RYR2: variants seen among roughly 807,000 people sequenced by gnomAD.
The protein encoded by RYR2 is ryanodine receptor 2.
Under a neutral mutation model 601.1 loss-of-function variants are expected in RYR2, and 227 were observed. That is an observed-to-expected ratio of 0.38 (90% CI 0.34 to 0.42). RYR2 has a LOEUF of 0.42. Ranked by LOEUF, RYR2 falls within the 10% of genes least tolerant of loss-of-function variation. The pLI, the probability that RYR2 is intolerant of heterozygous loss-of-function variation, is 1.00. For missense variants in RYR2, 4,646 were observed against 6,156.5 expected (o/e 0.75, Z 8.21); for synonymous variants, 2,223 against 2,175.1 (o/e 1.02, Z -0.61).
intron 1 of RYR2, among the ~76,000 whole-genome samples, chr1:237,058,726 T>G (rs527668016): frequency 1.4e-5 from 2 of 146,496 alleles, no homozygotes; most frequent in South Asian, 4.4e-4. Context: ...AGACCAGCCT[T>G]CCTTCCTCCC....
At chr1:237,380,359 AAT>A (rs57204036) in intron 8 of RYR2, among the ~76,000 whole-genome samples, 25 of 29,260 alleles carry the variant, frequency 8.5e-4, no homozygotes, top group East Asian at 1.5e-3. Flanking sequence ...AGAATACACA[AAT>A]ATATATATAT....
At chr1:237,176,564 A>G (rs1678081028) in intron 1 of RYR2, among the ~76,000 whole-genome samples, 2 of 151,586 alleles carry the variant, frequency 1.3e-5, no homozygotes, top group South Asian at 4.2e-4. Context: ...AGTTTTATTT[A>G]TTTATTTATT....
chr1:237,338,441 A>C (rs1157784340), intron 3 of RYR2, among the ~76,000 whole-genome samples: 1 of 152,222 alleles, frequency 6.6e-6, no homozygotes, highest in Non-Finnish European at 1.5e-5. Flanking sequence ...CATAGTAGAC[A>C]CTAATTACTT....
intron 1 of RYR2, among the ~76,000 whole-genome samples, chr1:237,152,630 G>C (rs1674853164): frequency 6.6e-6 from 1 of 151,952 alleles, no homozygotes; most frequent in Non-Finnish European, 1.5e-5. Flanking sequence ...TTTCACGTTT[G>C]TTGGCTGCAT....
chr1:237,735,714 TAC>T (rs1264651232), intron 79 of RYR2, among the ~76,000 whole-genome samples: 1 of 152,208 alleles, frequency 6.6e-6, no homozygotes, highest in Non-Finnish European at 1.5e-5. Context: ...GCATGTAACC[TAC>T]ACACATCCTC....
chr1:237,178,789 A>C (rs1224540600), intron 1 of RYR2, among the ~76,000 whole-genome samples: 1 of 152,198 alleles, frequency 6.6e-6, no homozygotes, highest in Non-Finnish European at 1.5e-5. Context: ...TGGGTGACAC[A>C]GCGAGACCCT....
At chr1:237,297,429 A>C (rs1692899477) in intron 2 of RYR2, among the ~76,000 whole-genome samples, 3 of 152,192 alleles carry the variant, frequency 2.0e-5, no homozygotes, top group Admixed American at 6.5e-5. Flanking sequence ...CCATTTTTGT[A>C]ATACCCTACC....
intron 1 of RYR2, among the ~76,000 whole-genome samples, chr1:237,182,643 A>T (rs1481498950): frequency 6.6e-6 from 1 of 152,214 alleles, no homozygotes; most frequent in Non-Finnish European, 1.5e-5. Flanking sequence ...CTTCTAAAAT[A>T]CATCCATGGA....
intron 24 of RYR2, 149 bp from the exon 25 acceptor site, chr1:237,530,278 T>G (rs776795049): frequency 1.8e-6 from 1 of 559,152 alleles, no homozygotes; most frequent in African/African-American, 1.9e-5. Flanking sequence ...GCCACTGCAC[T>G]CCAGCCTGGG....
chr1:237,649,438 G>T (rs1682500205), intron 49 of RYR2, among the ~76,000 whole-genome samples: 1 of 152,180 alleles, frequency 6.6e-6, no homozygotes, highest in African/African-American at 2.4e-5. Context: ...TTTGGTTATT[G>T]GTGCTGATAG....
intron 23 of RYR2, among the ~76,000 whole-genome samples, chr1:237,508,499 A>T (rs889003194): frequency 6.6e-6 from 1 of 151,602 alleles, no homozygotes; most frequent in African/African-American, 2.4e-5. Flanking sequence ...CAAACAGCAA[A>T]ACCCCATATT....
intron 90 of RYR2, among the ~76,000 whole-genome samples, chr1:237,785,424 A>C (rs1410155217): frequency 6.6e-6 from 1 of 152,172 alleles, no homozygotes; most frequent in African/African-American, 2.4e-5. Flanking sequence ...CATATTTTCC[A>C]AGTGTCTGAC....
chr1:237,115,628 C>T (rs1669989450), intron 1 of RYR2, among the ~76,000 whole-genome samples: 1 of 152,100 alleles, frequency 6.6e-6, no homozygotes, highest in African/African-American at 2.4e-5. Context: ...TTCATTTTCA[C>T]ACAGACAATG....
At chr1:237,435,728 A>G (rs538651393) in intron 12 of RYR2, among the ~76,000 whole-genome samples, 53 of 152,320 alleles carry the variant, frequency 3.5e-4, no homozygotes, top group Non-Finnish European at 5.1e-4. Flanking sequence ...TGGTTGTCTC[A>G]GGAAAAAATA....
intron 100 of RYR2, among the ~76,000 whole-genome samples, chr1:237,809,281 C>T (rs1186027121): frequency 1.3e-5 from 2 of 152,176 alleles, no homozygotes; most frequent in South Asian, 2.1e-4. Flanking sequence ...ACTTAGAACT[C>T]GAAGGAGTAA....
intron 13 of RYR2, among the ~76,000 whole-genome samples, chr1:237,442,514 T>C (rs1708001475): frequency 6.6e-6 from 1 of 152,176 alleles, no homozygotes; most frequent in Non-Finnish European, 1.5e-5. Flanking sequence ...TTAAGGTAAT[T>C]CTATTACATC....
intron 1 of RYR2, among the ~76,000 whole-genome samples, chr1:237,088,655 G>T (rs1485969587): frequency 6.6e-6 from 1 of 152,174 alleles, no homozygotes; most frequent in Non-Finnish European, 1.5e-5. Flanking sequence ...TTAAACCAGG[G>T]ATTCAGAAAT....
chr1:237,217,725 T>C (rs1346321916), intron 1 of RYR2, among the ~76,000 whole-genome samples: 2 of 152,168 alleles, frequency 1.3e-5, no homozygotes, highest in Admixed American at 1.3e-4. Context: ...GATTAGATAG[T>C]AGTGATGACT....
At chr1:237,182,766 C>A (rs964003681) in intron 1 of RYR2, among the ~76,000 whole-genome samples, 1 of 152,030 alleles carries the variant, frequency 6.6e-6, no homozygotes, top group African/African-American at 2.4e-5. Flanking sequence ...TTGGATCCAG[C>A]TGGATATATT....
Sources: gnomAD v4.1 joint callset for allele counts (sites outside exome capture counted in the v4.1 genomes callset) on GRCh38, gnomAD v4.1.1 for gene constraint, MANE v1.5 for transcripts, NCBI Gene and HGNC (gene_info 2026-07-23, HGNC 2026-07-21) for gene names.